FRMPD4: variants seen among roughly 807,000 people sequenced by gnomAD.
FRMPD4 encodes FERM and PDZ domain containing 4, also known as FERM and PDZ domain-containing protein 4.
A neutral mutation model predicts 94.1 loss-of-function variants in FRMPD4; 22 were observed. The ratio of observed to expected loss-of-function variants is 0.23; its 90% CI spans 0.17 to 0.33. The LOEUF is 0.33. FRMPD4 is among the 10% of genes least tolerant of loss of function. The pLI is 1.00. For synonymous variants in FRMPD4, 631 were observed against 548.6 expected (o/e 1.15, Z -2.10); for missense variants, 1,111 against 1,339.9 (o/e 0.83, Z 2.67).
intron 1 of FRMPD4, among the ~76,000 whole-genome samples, chrX:12,482,601 A>G (rs188434766): frequency 3.0e-4 from 34 of 112,185 alleles, no homozygotes; most frequent in Middle Eastern, 4.6e-3. Context: ...CCCCAAGGGT[A>G]TAGAAGAGCA....
intron 2 of FRMPD4, among the ~76,000 whole-genome samples, chrX:12,592,467 T>G (rs1454102743): frequency 8.9e-6 from 1 of 112,332 alleles, no homozygotes; most frequent in African/African-American, 3.2e-5. Flanking sequence ...CTTTCTCCAG[T>G]GTAATTCTGT....
chrX:12,288,449 C>G (rs1369711890), intron 1 of FRMPD4, among the ~76,000 whole-genome samples: 1 of 111,525 alleles, frequency 9.0e-6, no homozygotes, highest in African/African-American at 3.3e-5. Context: ...AATTATAACA[C>G]TAATGCTTGG....
chrX:12,556,499 G>A (rs2058597151), intron 2 of FRMPD4, among the ~76,000 whole-genome samples: 1 of 111,317 alleles, frequency 9.0e-6, no homozygotes, highest in Non-Finnish European at 1.9e-5. Context: ...AAAAAGCACT[G>A]AGCTTAGAAA....
intron 1 of FRMPD4, among the ~76,000 whole-genome samples, chrX:12,268,693 A>G (rs769803344): frequency 1.8e-5 from 2 of 112,315 alleles, no homozygotes; most frequent in African/African-American, 3.2e-5. Context: ...CATTAGTTCC[A>G]TAGGGTGCAC....
rs2053494294 is a variant in FRMPD4, at chrX:11,835,070, G to T, written c.-161+12355G>T. 2.7e-5 allele frequency among the ~76,000 whole-genome samples: 3 copies of T among 111,600 alleles called. No individual in the cohort carries two copies. The South Asian group carries it at 1.1e-3, about 42-fold the overall frequency. ...TTTGGGAAGTCACAAAAAAGGAAGG[G>T]TTGGGAGAATATAACCTTAGCACCT... On this transcript the variant is annotated intron_variant, in intron 1 of 18. Coordinates refer to the FRMPD4 transcript ENST00000640291.
At chrX:12,714,964 A>G (rs1423912060) in intron 14 of FRMPD4, among the ~76,000 whole-genome samples, 1 of 112,549 alleles carries the variant, frequency 8.9e-6, no homozygotes, top group South Asian at 3.7e-4. Context: ...CATTAAGTCC[A>G]TTGCATGATT....
chrX:12,200,115 G>A (rs1217438540), intron 1 of FRMPD4, among the ~76,000 whole-genome samples: 1 of 111,988 alleles, frequency 8.9e-6, no homozygotes, highest in Non-Finnish European at 1.9e-5. Flanking sequence ...CCAGCTCCAC[G>A]ATTCCTAAAC....
chrX:12,710,522 G>A lies in FRMPD4; in HGVS notation c.1594G>A (p.Ala532Thr). Reference sequence around the variant, plus strand: ...TAACATGGCCAACAAGAAAAACACAGCGACCCAGGAAACAGGTATTCTCTT... The same window carrying A: ...TAACATGGCCAACAAGAAAAACACAACGACCCAGGAAACAGGTATTCTCTT... ...IFNMANKKNT[A>T]TQETGPENKG... Residue 532 changes from alanine (A) to threonine (T), a missense_variant, in exon 14 of 17, where the codon GCG (alanine) becomes ACG (threonine). Around this residue, in one of 8 missense-constraint regions of FRMPD4, gnomAD observed 192 missense variants for 192.5 expected, o/e 1.00. Transcript: ENST00000675598. 8.3e-7 allele frequency: 1 copy of A among 1,207,583 alleles called. No individual in the cohort carries two copies. The highest frequency in any genetic ancestry group is 1.1e-6 in the Non-Finnish European group (1 of 892,326).
chrX:11,912,721 T>G (rs992373116), intron 3 of FRMPD4, among the ~76,000 whole-genome samples: 1 of 110,053 alleles, frequency 9.1e-6, no homozygotes, highest in African/African-American at 3.3e-5. Flanking sequence ...CCAATTACAC[T>G]GTAGGACATG....
chrX:12,698,936 G>C (rs67074841), intron 9 of FRMPD4, among the ~76,000 whole-genome samples: 18,249 of 111,374 alleles, frequency 0.16, 1,877 homozygotes, highest in African/African-American at 0.38. Flanking sequence ...AACTGAGGCT[G>C]AAGAGAGATG....
intron 1 of FRMPD4, among the ~76,000 whole-genome samples, chrX:12,369,765 A>T (rs1334993467): frequency 8.9e-6 from 1 of 112,110 alleles, no homozygotes; most frequent in East Asian, 2.8e-4. Context: ...GTCAAGGAAC[A>T]TATGATGTGA....
At position 12,248,557 on chromosome X, in the gene FRMPD4, G is replaced by A. The variant is rs2053987803; in HGVS notation, c.41+109545G>A. Among the ~76,000 whole-genome samples, 3 of 112,224 alleles carry A rather than the reference G, an allele frequency of 2.7e-5. No homozygotes were observed. In the South Asian group the frequency reaches 1.1e-3, roughly 41 times the overall value. Reference sequence around the variant, plus strand: ...GAGAAGTTGTTAAGGGTCATGTATAGTCTATGTTTAATAAGTATGAATTTT... The same window carrying A: ...GAGAAGTTGTTAAGGGTCATGTATAATCTATGTTTAATAAGTATGAATTTT... On this transcript the variant is annotated intron_variant, in intron 1 of 16. Coordinates refer to ENST00000675598, the MANE Select transcript of FRMPD4 (RefSeq NM_001368397.1).
chrX:12,185,959 G>A (rs1428585134), intron 1 of FRMPD4, among the ~76,000 whole-genome samples: 2 of 111,472 alleles, frequency 1.8e-5, no homozygotes, highest in African/African-American at 6.5e-5. Context: ...GTTTTTGGCT[G>A]CCAATTACTT....
intron 2 of FRMPD4, among the ~76,000 whole-genome samples, chrX:12,499,954 T>A (rs1291119277): frequency 8.9e-6 from 1 of 112,213 alleles, no homozygotes; most frequent in African/African-American, 3.2e-5. Flanking sequence ...GTTTAACTTT[T>A]TGAGGAACCA....
intron 1 of FRMPD4, among the ~76,000 whole-genome samples, chrX:12,320,945 A>T (rs2055199337): frequency 1.8e-5 from 2 of 112,362 alleles, no homozygotes; most frequent in South Asian, 3.7e-4. Flanking sequence ...GTGTAATCAG[A>T]TTTAATATTC....
chrX:12,108,304 T>C (rs2147518819), intron 3 of FRMPD4, among the ~76,000 whole-genome samples: 1 of 111,588 alleles, frequency 9.0e-6, no homozygotes, highest in South Asian at 3.8e-4. Context: ...CAACCCAGAA[T>C]TTCATATCCA....
At chrX:11,915,224 G>T (rs1316321916) in intron 3 of FRMPD4, among the ~76,000 whole-genome samples, 1 of 112,485 alleles carries the variant, frequency 8.9e-6, no homozygotes, top group Non-Finnish European at 1.9e-5. Flanking sequence ...CCTCTAAGCT[G>T]CATAAGATTG....
At chrX:12,527,642 C>T (rs758077298) in intron 2 of FRMPD4, among the ~76,000 whole-genome samples, 2 of 111,083 alleles carry the variant, frequency 1.8e-5, no homozygotes, top group Non-Finnish European at 3.8e-5. Context: ...CCATTTTAGA[C>T]ATCTGCATGG....
At chrX:11,912,702 C>A (rs1462574617) in intron 3 of FRMPD4, among the ~76,000 whole-genome samples, 1 of 110,354 alleles carries the variant, frequency 9.1e-6, no homozygotes, top group Non-Finnish European at 1.9e-5. Flanking sequence ...GTGGAACCTA[C>A]TCTGTTGTCC....
Sources: allele counts gnomAD v4.1 joint callset (sites outside exome capture counted in the v4.1 genomes callset), GRCh38; gene constraint gnomAD v4.1.1; regional missense constraint gnomAD v4.1.1; transcripts MANE v1.5; gene names NCBI Gene and HGNC (gene_info 2026-07-23, HGNC 2026-07-21).